SERINC5: variants seen among roughly 807,000 people sequenced by gnomAD.
SERINC5 encodes the protein chromosome 5 open reading frame 12.
SERINC5 carries 41 observed loss-of-function variants against 63.1 expected under a neutral mutation model. The ratio of observed to expected loss-of-function variants is 0.65; its 90% CI spans 0.51 to 0.84. The LOEUF (loss-of-function observed/expected upper bound fraction) is 0.84, where lower values mean the gene tolerates loss of function less well. Ranked by LOEUF, SERINC5 falls within the 40% of genes least tolerant of loss-of-function variation. The pLI, the probability that SERINC5 is intolerant of heterozygous loss-of-function variation, is 0.00. For synonymous variants in SERINC5, 222 were observed against 215.2 expected (o/e 1.03, Z -0.28); for missense variants, 523 against 573.0 (o/e 0.91, Z 0.89).
chr5:80,143,864 A>G (rs1017024217), intron 11 of SERINC5, 54 bp from the exon 12 acceptor site: 2 of 1,514,062 alleles, frequency 1.3e-6, no homozygotes, highest in African/African-American at 1.4e-5. Flanking sequence ...TTGAGATACA[A>G]TTCACTAATT....
intron 11 of SERINC5, among the ~76,000 whole-genome samples, chr5:80,122,593 G>A (rs1744592240): frequency 6.6e-6 from 1 of 152,184 alleles, no homozygotes; most frequent in Admixed American, 6.5e-5. Context: ...CTCCTGTGAA[G>A]GGATTCTGCA....
At chr5:80,195,257 G>C (rs1231327677) in intron 2 of SERINC5, among the ~76,000 whole-genome samples, 1 of 148,490 alleles carries the variant, frequency 6.7e-6, no homozygotes, top group African/African-American at 2.5e-5. Context: ...TTGCACTCCA[G>C]CCTGGGCAAC....
intron 7 of SERINC5, among the ~76,000 whole-genome samples, chr5:80,160,373 TC>T (rs1441237654): frequency 1.3e-5 from 2 of 152,160 alleles, no homozygotes; most frequent in Admixed American, 6.5e-5. Context: ...CATGGAGTCT[TC>T]CATTTGGAAC....
At chr5:80,239,222 G>C (rs189818649) in intron 1 of SERINC5, among the ~76,000 whole-genome samples, 11 of 152,284 alleles carry the variant, frequency 7.2e-5, no homozygotes, top group Admixed American at 3.9e-4. Context: ...CGGAGCAACG[G>C]GCATTACGCC....
rs143809824 is a variant in SERINC5, at chr5:80,116,340, A to C, written c.1239-2715T>G. The C allele has an allele frequency of 1.9e-3, 877 of 456,148 alleles. 18 individuals are homozygous for C. In the Admixed American group the frequency reaches 0.019, roughly 10 times the overall value. The allele number at this position is 456,148 out of a possible 1,614,324, so 28.3% of individuals were successfully genotyped here. On this transcript the variant is annotated intron_variant, in intron 11 of 12. Coordinates refer to the SERINC5 transcript ENST00000509193. ...TGATAGTTTCTGGGAACAAAATAGA[A>C]ATCAAAATCTCACCTTGTGTTCCCT...
At chr5:80,239,794 G>GTGAA (rs1273013198) in intron 1 of SERINC5, among the ~76,000 whole-genome samples, 2 of 152,106 alleles carry the variant, frequency 1.3e-5, no homozygotes, top group Non-Finnish European at 2.9e-5. Flanking sequence ...CTCCCTAAGG[G>GTGAA]TGAAGTAGAG....
Position 80,177,307 on chromosome 5 carries a change from A to T in SERINC5, c.457+8T>A, listed in dbSNP as rs1417725574. The T allele has an allele frequency of 1.2e-6, 2 of 1,603,478 alleles. No homozygotes were observed. The highest frequency in any genetic ancestry group is 3.3e-5 in the Admixed American group (2 of 59,962). On this transcript the variant is annotated splice_region_variant and intron_variant, in intron 4 of 11. Transcript: ENST00000507668. Reference sequence around the variant, plus strand: ...AATAAACAGATACCCAAAATACCCCATTAGTACCGTTCAGAAAGGTGTCCT... The same window carrying T: ...AATAAACAGATACCCAAAATACCCCTTTAGTACCGTTCAGAAAGGTGTCCT...
At chr5:80,128,245 C>T (rs904907795) in intron 11 of SERINC5, 3 of 152,112 alleles carry the variant, frequency 2.0e-5, no homozygotes, top group Admixed American at 1.3e-4. Context: ...TATTTCCTGC[C>T]GTAAAACATG....
At chr5:80,254,075 G>A (rs1441625128) in intron 1 of SERINC5, among the ~76,000 whole-genome samples, 5 of 152,132 alleles carry the variant, frequency 3.3e-5, no homozygotes, top group East Asian at 3.9e-4. Context: ...ACAGGCATGC[G>A]TCATCACACC....
At chr5:80,146,306 G>C (rs926773488) in intron 10 of SERINC5, 72 bp from the exon 11 acceptor site, 2 of 1,562,324 alleles carry the variant, frequency 1.3e-6, no homozygotes, top group African/African-American at 1.4e-5. Flanking sequence ...AGTCACGCTC[G>C]CTAATTCTAC....
chr5:80,188,318 G>A (rs1748962322), intron 2 of SERINC5, among the ~76,000 whole-genome samples: 1 of 149,758 alleles, frequency 6.7e-6, no homozygotes, highest in Non-Finnish European at 1.5e-5. Flanking sequence ...TAACTGCAAA[G>A]GATTATTCTC....
chr5:80,185,674 G>A (rs562046701), intron 2 of SERINC5, among the ~76,000 whole-genome samples: 1 of 152,188 alleles, frequency 6.6e-6, no homozygotes, highest in Admixed American at 6.5e-5. Context: ...CAGTCAAAGG[G>A]GGTTCGTTCT....
At chr5:80,186,583 C>T (rs1313931948) in intron 2 of SERINC5, among the ~76,000 whole-genome samples, 2 of 152,104 alleles carry the variant, frequency 1.3e-5, no homozygotes, top group Non-Finnish European at 2.9e-5. Context: ...ATTTCCAAAA[C>T]ATGAAAACAA....
intron 9 of SERINC5, among the ~76,000 whole-genome samples, chr5:80,148,751 G>A (rs1462164465): frequency 2.6e-5 from 4 of 152,138 alleles, no homozygotes; most frequent in Non-Finnish European, 4.4e-5. Context: ...GGGAAGTGCA[G>A]GGCCCTTAGC....
At chr5:80,145,176 T>TA (rs1179831429) in intron 11 of SERINC5, among the ~76,000 whole-genome samples, 1 of 151,056 alleles carries the variant, frequency 6.6e-6, no homozygotes, top group Non-Finnish European at 1.5e-5. Flanking sequence ...CCGTCTCTAC[T>TA]AAAAATAATA....
At chr5:80,244,294 C>CA (rs149071137) in intron 1 of SERINC5, among the ~76,000 whole-genome samples, 3,332 of 151,830 alleles carry the variant, frequency 0.022, 114 homozygotes, top group African/African-American at 0.077. Context: ...CGGCTCACTG[C>CA]AACCTCTGCC....
intron 2 of SERINC5, among the ~76,000 whole-genome samples, chr5:80,199,655 A>G (rs978557312): frequency 5.9e-5 from 9 of 152,198 alleles, no homozygotes; most frequent in Non-Finnish European, 1.2e-4. Context: ...ACACATACCA[A>G]TGGCTCCCAA....
At chr5:80,207,012 T>TA (rs201866889) in intron 1 of SERINC5, among the ~76,000 whole-genome samples, 12 of 151,676 alleles carry the variant, frequency 7.9e-5, no homozygotes, top group Middle Eastern at 3.4e-3. Flanking sequence ...TATATATATA[T>TA]TTTTTAGACG....
chr5:80,235,595 GTT>G lies in SERINC5; in HGVS notation c.27+20299_27+20300del, dbSNP rs200436946. 2.0e-5 allele frequency among the ~76,000 whole-genome samples: 3 copies of G among 151,872 alleles called. No homozygotes were observed. The South Asian group carries it at 6.2e-4, about 32-fold the overall frequency. ...CATTTTTAATGGTAATTTTTTTGTT[GTT>G]TTTTGTTTGTTTGTTTTTGAGACAA... On this transcript the variant is annotated intron_variant, in intron 1 of 11. Transcript: ENST00000507668.
Sources: gnomAD v4.1 joint callset for allele counts (sites outside exome capture counted in the v4.1 genomes callset) on GRCh38, gnomAD v4.1.1 for gene constraint, MANE v1.5 for transcripts, NCBI Gene and HGNC (gene_info 2026-07-23, HGNC 2026-07-21) for gene names.